RREB1: variants seen among roughly 807,000 people sequenced by gnomAD.
RREB1 encodes ras responsive element binding protein 1, also known as ras-responsive element-binding protein 1.
In RREB1, 27 loss-of-function variants were observed where a neutral mutation model predicts 117.8. That is an observed-to-expected ratio of 0.23 (90% CI 0.17 to 0.32). The LOEUF (loss-of-function observed/expected upper bound fraction) is 0.32. Among genes scored for constraint, RREB1 ranks in the 10% least tolerant of loss-of-function variants. The probability of loss-of-function intolerance (pLI) is 1.00; values close to 1 mark genes in which losing one functional copy is unlikely to be tolerated. For synonymous variants in RREB1, 1,298 were observed against 1,026.7 expected (o/e 1.26, Z -5.05); for missense variants, 2,577 against 2,378.2 (o/e 1.08, Z -1.74).
chr6:7,151,573 T>A (rs1763124311), intron 1 of RREB1, among the ~76,000 whole-genome samples: 1 of 152,212 alleles, frequency 6.6e-6, no homozygotes, highest in African/African-American at 2.4e-5. Flanking sequence ...TGCATAGATG[T>A]TGCACATTGC....
At chr6:7,112,301 C>T (rs949601625) in intron 1 of RREB1, among the ~76,000 whole-genome samples, 1 of 152,084 alleles carries the variant, frequency 6.6e-6, no homozygotes, top group Non-Finnish European at 1.5e-5. Context: ...TGATGAGTAA[C>T]TATCATCTCT....
intron 1 of RREB1, among the ~76,000 whole-genome samples, chr6:7,114,419 C>T (rs896444966): frequency 2.0e-5 from 3 of 152,028 alleles, no homozygotes; most frequent in Non-Finnish European, 4.4e-5. Flanking sequence ...GTGGGTTTGC[C>T]CCCAGGGGAC....
chr6:7,246,750 G>A lies in RREB1; in HGVS notation c.4300G>A (p.Gly1434Ser), dbSNP rs1317620920. The A allele has an allele frequency of 4.5e-6, 7 of 1,567,956 alleles. No individual in the cohort carries two copies. Among genetic ancestry groups the A allele is most frequent in the Non-Finnish European group, 5.2e-6 (6 of 1,157,434 alleles). The part of the protein sequence containing the change: ...LMDFKLAEGD[G>S]EAGAGGAASQ... ...GGACTTCAAGCTGGCGGAGGGCGAC[G>A]GCGAGGCAGGCGCCGGGGGCGCGGC... The change falls in exon 12 of 13, where the codon GGC (glycine) becomes AGC (serine). Residue 1434 changes from glycine to serine, a missense_variant. Physicochemically the swap from Gly to Ser is moderately conservative, Grantham distance 56. Transcript: ENST00000379938.
intron 6 of RREB1, among the ~76,000 whole-genome samples, chr6:7,196,218 G>GTTTTTTTTTTTTTT (rs58448175): frequency 8.2e-6 from 1 of 121,468 alleles, no homozygotes; most frequent in Non-Finnish European, 1.7e-5. Flanking sequence ...TTTTTTTTTC[G>GTTTTTTTTTTTTTT]TTTTTTTTTT....
chr6:7,240,406 C>T, intron 10 of RREB1, 32 bp from the exon 11 acceptor site: 1 of 1,578,732 alleles, frequency 6.3e-7, no homozygotes, highest in South Asian at 1.1e-5. Context: ...AGTAGAAAGC[C>T]AGATAAATAT....
intron 1 of RREB1, among the ~76,000 whole-genome samples, chr6:7,163,944 A>G (rs1467959206): frequency 2.6e-5 from 4 of 152,186 alleles, no homozygotes; most frequent in African/African-American, 9.7e-5. Context: ...GATGCTGAAG[A>G]GTACTTGCCG....
intron 11 of RREB1, among the ~76,000 whole-genome samples, chr6:7,241,476 A>G (rs1482508077): frequency 2.0e-5 from 3 of 152,054 alleles, no homozygotes; most frequent in South Asian, 2.1e-4. Flanking sequence ...AAAACCTGAC[A>G]CTATCTTGTG....
At chr6:7,116,954 G>C (rs1300047273) in intron 1 of RREB1, among the ~76,000 whole-genome samples, 1 of 152,148 alleles carries the variant, frequency 6.6e-6, no homozygotes, top group Non-Finnish European at 1.5e-5. Flanking sequence ...TCCAATGTGT[G>C]GGCCCATTTT....
rs376568934 is a variant in RREB1 at position 7,150,126 on chromosome 6, A to G, written c.-284-26529A>G. 1.1e-4 allele frequency among the ~76,000 whole-genome samples: 17 copies of G among 151,890 alleles called. No homozygotes were observed. In the East Asian group the frequency reaches 2.1e-3, roughly 19 times the overall value. On this transcript the variant is annotated intron_variant, in intron 1 of 12. Coordinates refer to ENST00000379938, the MANE Select transcript of RREB1 (RefSeq NM_001003699.4). ...CCAGACTCTTTCTTGGCCTTGTTAT[A>G]TATTAATGGACATTTTCATGGAAAT...
At position 7,230,497 on chromosome 6, in the gene RREB1, G is replaced by A. The variant is rs745408145; in HGVS notation, c.2398G>A (p.Ala800Thr). 1.0e-5 allele frequency: 16 copies of A among 1,592,754 alleles called. No homozygotes were observed. The highest frequency in any genetic ancestry group is 2.2e-5 in the East Asian group (1 of 44,542). The change falls in exon 10 of 13, where the codon GCG becomes ACG. Residue 800 changes from alanine (A) to threonine (T), a missense_variant. Coordinates refer to ENST00000379938, the MANE Select transcript of RREB1 (RefSeq NM_001003699.4). ...GTGCAAGGAGTGCAGCGCCGCGTTC[G>A]CGGCCAAGCGCAACTGCATCCACCA... ...FECKECSAAF[A>T]AKRNCIHHIL...
chr6:7,248,089 G>A (rs79735271), intron 12 of RREB1, among the ~76,000 whole-genome samples: 316 of 152,318 alleles, frequency 2.1e-3, no homozygotes, highest in Middle Eastern at 0.01. Context: ...GAAAGCCCCC[G>A]CTGCACCACA....
At chr6:7,196,516 A>G (rs1372493260) in intron 6 of RREB1, among the ~76,000 whole-genome samples, 1 of 152,170 alleles carries the variant, frequency 6.6e-6, no homozygotes, top group Admixed American at 6.5e-5. Context: ...AAGGTAGCAT[A>G]TTAAATTATG....
Position 7,210,941 on chromosome 6 carries a change from C to T in RREB1, c.563C>T (p.Ala188Val), listed in dbSNP as rs1320326676. The change falls in exon 7 of 13, where the codon GCT becomes GTT. Residue 188 changes from alanine to valine, a missense_variant. Transcript: ENST00000379938. The part of the protein sequence containing the change: ...AESEREDPAP[A>V]KKMVEDGQSG... ...TCAGAGAGAGAAGACCCAGCACCAG[C>T]TAAAAAGGTCCTCTTGGCTCCCAGT... 3.7e-6 allele frequency: 6 copies of T among 1,613,208 alleles called. No individual in the cohort carries two copies. Among genetic ancestry groups the T allele is most frequent in the Non-Finnish European group, 5.1e-6 (6 of 1,179,658 alleles).
intron 10 of RREB1, among the ~76,000 whole-genome samples, chr6:7,238,189 A>G (rs1393550304): frequency 6.6e-6 from 1 of 152,232 alleles, no homozygotes; most frequent in African/African-American, 2.4e-5. Flanking sequence ...TTTACTTGAA[A>G]TTATTAAATA....
At chr6:7,130,335 AAG>A (rs1185864395) in intron 1 of RREB1, among the ~76,000 whole-genome samples, 2 of 152,174 alleles carry the variant, frequency 1.3e-5, no homozygotes. Context: ...AAGCGCCTGA[AAG>A]AGAGGCAACC....
chr6:7,125,244 TAA>T (rs1327026403), intron 1 of RREB1, among the ~76,000 whole-genome samples: 2 of 152,198 alleles, frequency 1.3e-5, no homozygotes, highest in Admixed American at 1.3e-4. Context: ...CACTAAAGCA[TAA>T]GACTGTCAGG....
chr6:7,229,953 C>A lies in RREB1; in HGVS notation c.1854C>A (p.Ile618=). 6.2e-7 allele frequency: 1 copy of A among 1,602,062 alleles called. No homozygotes were observed. The highest frequency in any genetic ancestry group is 8.5e-7 in the Non-Finnish European group (1 of 1,171,640). ...TGGAGGCCAAGATCAAGCAGGAGAT[C>A]ACAGAGGGGGAACTCAAGGCCTTCA... ...LSMEAKIKQE[I]TEGELKAFMT... is the part of the protein sequence containing the mutation. Residue 618 remains isoleucine (I), a synonymous_variant, in exon 10 of 13, where the codon ATC becomes ATA. Transcript: ENST00000379938. This position sits in a 1 kb window ranked among gnomAD's most constrained non-coding sequence, Gnocchi z 4.5.
chr6:7,200,210 ATG>A (rs200056706), intron 6 of RREB1, among the ~76,000 whole-genome samples: 8 of 141,852 alleles, frequency 5.6e-5, no homozygotes, highest in African/African-American at 2.1e-4. Context: ...ATATGTATGT[ATG>A]TGTGTGTATA....
chr6:7,203,267 C>T (rs919877853), intron 6 of RREB1, among the ~76,000 whole-genome samples: 2 of 152,170 alleles, frequency 1.3e-5, no homozygotes, highest in Non-Finnish European at 2.9e-5. Context: ...AATGTCATCC[C>T]TCAACCCTTG....
Sources: gnomAD v4.1 joint callset for allele counts (sites outside exome capture counted in the v4.1 genomes callset) on GRCh38, gnomAD v4.1.1 for gene constraint, Gnocchi (gnomAD v3.1) non-coding constraint, MANE v1.5 for transcripts, NCBI Gene and HGNC (gene_info 2026-07-23, HGNC 2026-07-21) for gene names.